TMEM116: variants seen among roughly 807,000 people sequenced by gnomAD.
TMEM116 encodes the protein transmembrane protein 116.
In TMEM116, 38 loss-of-function variants were observed where a neutral mutation model predicts 44.3. The ratio of observed to expected loss-of-function variants is 0.86; its 90% CI spans 0.66 to 1.12. TMEM116 has a LOEUF of 1.12. TMEM116 is among the 50% of genes most tolerant of loss of function. The pLI, the probability that TMEM116 is intolerant of heterozygous loss-of-function variation, is 0.00. For missense variants in TMEM116, 354 were observed against 401.7 expected (o/e 0.88, Z 1.01); for synonymous variants, 132 against 144.8 (o/e 0.91, Z 0.64).
chr12:111,940,551 A>ATATATGTG lies in TMEM116; in HGVS notation c.316-2342_316-2341insCACATATA, dbSNP rs1230414217. Among the ~76,000 whole-genome samples, 786 of 133,868 alleles carry ATATATGTG rather than the reference A, an allele frequency of 5.9e-3. 12 individuals are homozygous for ATATATGTG. The highest frequency in any genetic ancestry group is 0.022 in the African/African-American group (748 of 34,094). The allele number at this position is 133,868 out of a possible 152,430, so 87.8% of individuals were successfully genotyped here. Reference sequence around the variant, plus strand: ...TATATATATATATATATATACACACACACATATATATGTGTGTATATATAT... The same window carrying ATATATGTG: ...TATATATATATATATATATACACACATATATGTGCACATATATATGTGTGTATATATAT... On this transcript the variant is annotated intron_variant, in intron 5 of 10. Transcript: ENST00000552374.
At chr12:111,936,654 C>T in intron 8 of TMEM116, 38 bp downstream of exon 8, 1 of 1,598,558 alleles carries the variant, frequency 6.3e-7, no homozygotes, top group Middle Eastern at 1.7e-4. Context: ...CCTTCATTTC[C>T]TCATCTCTCC....
intron 3 of TMEM116, among the ~76,000 whole-genome samples, chr12:111,998,703 C>T (rs2136677901): frequency 6.6e-6 from 1 of 152,244 alleles, no homozygotes; most frequent in African/African-American, 2.4e-5. Flanking sequence ...TGCCTGTAGT[C>T]CCAGCTACTT....
At chr12:111,980,074 T>C (rs892655373) in intron 4 of TMEM116, among the ~76,000 whole-genome samples, 11 of 152,210 alleles carry the variant, frequency 7.2e-5, no homozygotes, top group African/African-American at 2.7e-4. Flanking sequence ...ATCATCCTCC[T>C]AGTTATTTCC....
intron 4 of TMEM116, among the ~76,000 whole-genome samples, chr12:111,991,524 GA>G (rs397956051): frequency 1.3e-3 from 106 of 83,344 alleles, no homozygotes; most frequent in Middle Eastern, 7.6e-3. Flanking sequence ...CTCTGTCTCA[GA>G]AAAAAAAAAA....
chr12:111,974,609 C>T (rs1431335253), intron 4 of TMEM116, among the ~76,000 whole-genome samples: 4 of 149,220 alleles, frequency 2.7e-5, no homozygotes, highest in Admixed American at 1.3e-4. Context: ...GAGCCGAGAT[C>T]GCACCGCTGC....
intron 4 of TMEM116, among the ~76,000 whole-genome samples, chr12:111,973,857 G>A (rs973147276): frequency 2.6e-5 from 4 of 152,002 alleles, no homozygotes; most frequent in African/African-American, 9.7e-5. Flanking sequence ...CCAGGAGGTG[G>A]AGGTTGCAGA....
At chr12:111,964,153 AG>A (rs2074816644) in intron 4 of TMEM116, among the ~76,000 whole-genome samples, 1 of 150,914 alleles carries the variant, frequency 6.6e-6, no homozygotes, top group Admixed American at 6.6e-5. Flanking sequence ...AAAAAAAAAA[AG>A]TAAAGGCTGG....
At chr12:111,982,099 A>G (rs1379102187) in intron 4 of TMEM116, among the ~76,000 whole-genome samples, 1 of 152,136 alleles carries the variant, frequency 6.6e-6, no homozygotes, top group Non-Finnish European at 1.5e-5. Context: ...AGGAGAAAAA[A>G]GTTCAGGACA....
At chr12:111,957,496 G>A (rs2136354036) in intron 4 of TMEM116, among the ~76,000 whole-genome samples, 1 of 151,788 alleles carries the variant, frequency 6.6e-6, no homozygotes, top group East Asian at 1.9e-4. Context: ...AGGAGGTGGG[G>A]GGCAGCGCCC....
chr12:111,943,729 G>A (rs2073044430), intron 4 of TMEM116, among the ~76,000 whole-genome samples: 1 of 152,038 alleles, frequency 6.6e-6, no homozygotes, highest in South Asian at 2.1e-4. Flanking sequence ...TAGAGATCGG[G>A]TTTCACCATG....
chr12:112,011,049 C>T (rs774580966), intron 1 of TMEM116: 137 of 152,460 alleles, frequency 9.0e-4, no homozygotes, highest in Non-Finnish European at 1.6e-3. Flanking sequence ...GGAGCAGGCC[C>T]CGGGAGTAGA....
rs753462703 is a variant in TMEM116, at chr12:111,934,038, T to G, written c.589-8A>C. 5.6e-6 allele frequency: 9 copies of G among 1,613,916 alleles called. No homozygotes were observed. The South Asian group carries it at 6.6e-5, about 12-fold the overall frequency. ...GGCTCGGATAAGTAAGACCTAAATA[T>G]GAGTACAGCAGTGAGCAGTTTGCTT... On this transcript the variant is annotated splice_polypyrimidine_tract_variant and splice_region_variant and intron_variant, in intron 8 of 10. Coordinates refer to ENST00000552374, the MANE Select transcript of TMEM116 (RefSeq NM_001193531.2).
chr12:111,938,683 T>C (rs2072395614), intron 5 of TMEM116, among the ~76,000 whole-genome samples: 1 of 152,198 alleles, frequency 6.6e-6, no homozygotes, highest in South Asian at 2.1e-4. Context: ...ATTAGTATAA[T>C]AGGGCAGGGT....
intron 3 of TMEM116, among the ~76,000 whole-genome samples, chr12:111,992,608 T>C (rs2076678572): frequency 1.3e-5 from 2 of 152,166 alleles, no homozygotes; most frequent in Non-Finnish European, 2.9e-5. Flanking sequence ...TTTAGGGATG[T>C]GGCTGAGGAC....
chr12:111,940,144 G>A (rs1486161319), intron 5 of TMEM116, among the ~76,000 whole-genome samples: 1 of 151,714 alleles, frequency 6.6e-6, no homozygotes, highest in Non-Finnish European at 1.5e-5. Context: ...GTGGTGGCAT[G>A]CACCTGTAGT....
intron 4 of TMEM116, among the ~76,000 whole-genome samples, chr12:111,969,136 C>T (rs924515889): frequency 6.6e-6 from 1 of 151,196 alleles, no homozygotes; most frequent in Non-Finnish European, 1.5e-5. Flanking sequence ...GCCTGACCAA[C>T]GTGGAGAAAT....
At chr12:111,939,878 CTCTG>C (rs1261575206) in intron 5 of TMEM116, among the ~76,000 whole-genome samples, 6 of 110,724 alleles carry the variant, frequency 5.4e-5, no homozygotes, top group Non-Finnish European at 1.1e-4. Context: ...ATCTTCAAAG[CTCTG>C]TGTGTGTGTG....
chr12:111,959,749 A>G (rs1565902870), intron 4 of TMEM116, among the ~76,000 whole-genome samples: 1 of 152,240 alleles, frequency 6.6e-6, no homozygotes, highest in African/African-American at 2.4e-5. Context: ...AAAGATCAAA[A>G]GAGATAAAGA....
chr12:112,007,307 G>A (rs993382477), intron 1 of TMEM116, among the ~76,000 whole-genome samples: 2 of 152,104 alleles, frequency 1.3e-5, no homozygotes, highest in African/African-American at 2.4e-5. Flanking sequence ...CCAGCTACTC[G>A]GGAGGCTGAT....
Sources: gnomAD v4.1 joint callset for allele counts (sites outside exome capture counted in the v4.1 genomes callset) on GRCh38, gnomAD v4.1.1 for gene constraint, MANE v1.5 for transcripts, NCBI Gene and HGNC (gene_info 2026-07-23, HGNC 2026-07-21) for gene names.